SPP2: variants seen among roughly 807,000 people sequenced by gnomAD.
The protein encoded by SPP2 is secreted phosphoprotein 2.
Under a neutral mutation model 28.8 loss-of-function variants are expected in SPP2, and 34 were observed. The ratio of observed to expected loss-of-function variants is 1.18; its 90% CI spans 0.90 to 1.57. SPP2 has a LOEUF of 1.57. Ranked by LOEUF, SPP2 falls within the 40% of genes most tolerant of loss-of-function variation. The pLI is 0.00. For synonymous variants in SPP2, 96 were observed against 89.4 expected, an observed-to-expected ratio of 1.07 and a Z score of -0.42; for missense variants, 269 against 263.9, an observed-to-expected ratio of 1.02 and a Z score of -0.13.
At chr2:234,065,977 G>C (rs1693810362) in intron 4 of SPP2, among the ~76,000 whole-genome samples, 2 of 152,108 alleles carry the variant, frequency 1.3e-5, no homozygotes, top group Non-Finnish European at 2.9e-5. Flanking sequence ...AATTGTCTTG[G>C]TATGTGTCCC....
At chr2:234,071,692 A>T (rs190581885) in intron 7 of SPP2, among the ~76,000 whole-genome samples, 45 of 152,334 alleles carry the variant, frequency 3.0e-4, no homozygotes, top group African/African-American at 1.0e-3. Flanking sequence ...AGTGTAGCTC[A>T]CAATGGCTTT....
At chr2:234,056,537 A>G (rs1039651930) in intron 2 of SPP2, among the ~76,000 whole-genome samples, 1 of 152,166 alleles carries the variant, frequency 6.6e-6, no homozygotes, top group African/African-American at 2.4e-5. Flanking sequence ...AAGTTATCTC[A>G]TAGCTCAATA....
intron 2 of SPP2, among the ~76,000 whole-genome samples, chr2:234,058,180 T>C (rs1693645456): frequency 6.6e-6 from 1 of 152,184 alleles, no homozygotes; most frequent in Non-Finnish European, 1.5e-5. Flanking sequence ...CTTACCTTAC[T>C]CACATATTTT....
intron 7 of SPP2, among the ~76,000 whole-genome samples, chr2:234,071,259 T>G (rs887627450): frequency 6.6e-6 from 1 of 152,208 alleles, no homozygotes; most frequent in Non-Finnish European, 1.5e-5. Flanking sequence ...GTCCTCAGGT[T>G]TATCGTGAAA....
rs1196106565 is a variant in SPP2 at position 234,066,695 on chromosome 2, G to A, written c.499+108G>A. On this transcript the variant is annotated intron_variant, in intron 5 of 7. Coordinates refer to ENST00000168148, the MANE Select transcript of SPP2 (RefSeq NM_006944.3). ...TAGAAATACATATGTATGTAATCTT[G>A]CAACAATTACAGCCATAGAAAATTA... is the stretch of plus-strand genomic sequence containing the variant. 20 of 838,744 alleles carry A rather than the reference G, an allele frequency of 2.4e-5. No individual in the cohort carries two copies. In the Admixed American group the frequency reaches 4.6e-4, roughly 19 times the overall value. The allele number at this position is 838,744 out of a possible 1,614,324, so 52.0% of individuals were successfully genotyped here.
At chr2:234,070,968 G>A (rs544466455) in intron 7 of SPP2, among the ~76,000 whole-genome samples, 2 of 152,112 alleles carry the variant, frequency 1.3e-5, no homozygotes, top group Non-Finnish European at 2.9e-5. Context: ...TTGCCATTGT[G>A]TATCCTGGGT....
At chr2:234,066,314 G>A (rs970649899) in intron 4 of SPP2, among the ~76,000 whole-genome samples, 3 of 152,152 alleles carry the variant, frequency 2.0e-5, no homozygotes, top group Non-Finnish European at 2.9e-5. Context: ...AGATCTGTGG[G>A]TAATTTAAAC....
chr2:234,067,185 T>C (rs1378322924), intron 5 of SPP2, 39 bp from the exon 6 acceptor site: 1 of 1,569,160 alleles, frequency 6.4e-7, no homozygotes, highest in Non-Finnish European at 8.8e-7. Flanking sequence ...TCTGGAACAG[T>C]GAGAGGAGTC....
intron 3 of SPP2, among the ~76,000 whole-genome samples, chr2:234,059,962 T>A (rs897473087): frequency 1.3e-5 from 2 of 152,230 alleles, no homozygotes; most frequent in African/African-American, 4.8e-5. Flanking sequence ...ATGAAACTAC[T>A]CACTGTGACT....
intron 7 of SPP2, among the ~76,000 whole-genome samples, chr2:234,070,545 T>A (rs1472876468): frequency 6.6e-6 from 1 of 152,232 alleles, no homozygotes; most frequent in African/African-American, 2.4e-5. Flanking sequence ...CACTGCAACC[T>A]CTGCCTCCTG....
intron 4 of SPP2, among the ~76,000 whole-genome samples, chr2:234,065,662 C>T (rs769302439): frequency 3.3e-5 from 5 of 152,164 alleles, no homozygotes; most frequent in Non-Finnish European, 7.4e-5. Flanking sequence ...CTATTCAAAT[C>T]CTTGCCTATG....
Position 234,067,229 on chromosome 2 carries a change from A to T in SPP2, c.505A>T (p.Ile169Phe). The T allele has an allele frequency of 6.2e-7, 1 of 1,613,818 alleles. No homozygotes were observed. The highest frequency in any genetic ancestry group is 8.5e-7 in the Non-Finnish European group (1 of 1,179,740). Residue 169 changes from isoleucine to phenylalanine, a missense_variant, in exon 6 of 8, where the codon ATT becomes TTT. By Grantham distance (21) the Ile-to-Phe change is conservative. Coordinates refer to ENST00000168148, the MANE Select transcript of SPP2 (RefSeq NM_006944.3). ...TGATTATTACTGTGTTACAGGTCTC[A>T]TTTCAGACGAGTCCATAAGTGAACA... ...KWRNNYLFGL[I>F]SDESISEQFY...
At position 234,069,744 on chromosome 2, in the gene SPP2, G is replaced by A. The variant is rs150511248; in HGVS notation, c.551-184G>A. Among the ~76,000 whole-genome samples, 538 of 152,142 alleles carry A rather than the reference G, an allele frequency of 3.5e-3. 5 individuals carry two copies. The highest frequency in any genetic ancestry group is 0.013 in the African/African-American group (520 of 41,516). On this transcript the variant is annotated intron_variant, in intron 6 of 7. Transcript: ENST00000168148. ...GCTAGACCAAGCTGAAACACAACAC[G>A]GGGGAGAAGGAGAGAGAATGGAATA...
At chr2:234,072,185 T>C (rs1413143592) in intron 7 of SPP2, among the ~76,000 whole-genome samples, 1 of 152,226 alleles carries the variant, frequency 6.6e-6, no homozygotes, top group Non-Finnish European at 1.5e-5. Flanking sequence ...ACCATTGAAA[T>C]TTGAAAGAAA....
Position 234,066,536 on chromosome 2 carries a change from A to AT in SPP2, c.453dup (p.Gly152TrpfsTer8). On this transcript the variant is annotated frameshift_variant, in exon 5 of 8. Transcript: ENST00000168148. LOFTEE classifies it high-confidence loss of function. ...CCTGATGCCTGAATTTCTTTAGATG[A>AT]TTTTTGGGGACATGTTGGGATCTCA... 1 of 1,611,828 alleles carries AT rather than the reference A, an allele frequency of 6.2e-7. No individual in the cohort carries two copies.
chr2:234,063,484 A>G (rs1265111166), intron 4 of SPP2, among the ~76,000 whole-genome samples: 2 of 152,208 alleles, frequency 1.3e-5, no homozygotes, highest in East Asian at 3.8e-4. Context: ...CCATGACATA[A>G]TTTTTTAAAG....
chr2:234,057,437 T>C (rs1693631673), intron 2 of SPP2, among the ~76,000 whole-genome samples: 5 of 152,210 alleles, frequency 3.3e-5, no homozygotes, highest in Admixed American at 2.6e-4. Context: ...TCAGTTTAAA[T>C]TTGCCTTCCT....
intron 6 of SPP2, among the ~76,000 whole-genome samples, chr2:234,069,170 C>G (rs1310828598): frequency 1.3e-5 from 2 of 148,466 alleles, no homozygotes; most frequent in East Asian, 4.0e-4. Context: ...CTGGATCCCC[C>G]CAGAGATGAT....
intron 2 of SPP2, among the ~76,000 whole-genome samples, chr2:234,051,300 T>C (rs887982367): frequency 3.3e-5 from 5 of 152,224 alleles, no homozygotes; most frequent in African/African-American, 1.2e-4. Context: ...TTTTGATGAC[T>C]GATTCTTCTG....
Sources: gnomAD v4.1 joint callset for allele counts (sites outside exome capture counted in the v4.1 genomes callset) on GRCh38, gnomAD v4.1.1 for gene constraint, MANE v1.5 for transcripts, NCBI Gene and HGNC (gene_info 2026-07-23, HGNC 2026-07-21) for gene names.